The following SPOCK3 variants were observed in gnomAD, a reference collection of about 807,000 sequenced individuals.
The protein encoded by SPOCK3 is testican-3.
A neutral mutation model predicts 56.6 loss-of-function variants in SPOCK3; 30 were observed. That is an observed-to-expected ratio of 0.53 (90% CI 0.40 to 0.72). The LOEUF is 0.72. Ranked by LOEUF, SPOCK3 falls within the 30% of genes least tolerant of loss-of-function variation. The probability of loss-of-function intolerance (pLI) is 0.00; values close to 1 mark genes in which losing one functional copy is unlikely to be tolerated. For synonymous variants in SPOCK3, 196 were observed against 183.3 expected (o/e 1.07, Z -0.56); for missense variants, 527 against 530.0 (o/e 0.99, Z 0.06).
intron 4 of SPOCK3, among the ~76,000 whole-genome samples, chr4:166,988,707 T>A (rs1375199085): frequency 6.6e-6 from 1 of 152,084 alleles, no homozygotes; most frequent in Non-Finnish European, 1.5e-5. Flanking sequence ...ATTCAACTCC[T>A]AGCTATGGCA....
chr4:166,935,600 A>G (rs1183136927), intron 4 of SPOCK3, among the ~76,000 whole-genome samples: 1 of 152,236 alleles, frequency 6.6e-6, no homozygotes, highest in African/African-American at 2.4e-5. Context: ...ACCACTGTAA[A>G]TGTAAAAACC....
At chr4:166,825,886 CAG>C (rs1021948616) in intron 6 of SPOCK3, among the ~76,000 whole-genome samples, 14 of 152,016 alleles carry the variant, frequency 9.2e-5, no homozygotes, top group African/African-American at 2.4e-4. Context: ...TTTGAGGACT[CAG>C]GGGGAAGGTT....
intron 2 of SPOCK3, among the ~76,000 whole-genome samples, chr4:167,184,100 T>C (rs1013808247): frequency 6.6e-6 from 1 of 152,218 alleles, no homozygotes; most frequent in Non-Finnish European, 1.5e-5. Context: ...TCTCTTTATG[T>C]GCACATTGAA....
chr4:166,933,547 T>C (rs1032982532), intron 4 of SPOCK3, among the ~76,000 whole-genome samples: 8 of 152,148 alleles, frequency 5.3e-5, no homozygotes, highest in Admixed American at 1.3e-4. Context: ...AATTTATCAT[T>C]ATTATTATTA....
At chr4:166,765,871 G>A (rs1270725181) in intron 7 of SPOCK3, among the ~76,000 whole-genome samples, 5 of 152,080 alleles carry the variant, frequency 3.3e-5, no homozygotes, top group African/African-American at 1.2e-4. Flanking sequence ...GTTGAGCAGT[G>A]GTTTGCTGTT....
chr4:166,741,037 A>G (rs541838111), intron 9 of SPOCK3, among the ~76,000 whole-genome samples: 90 of 152,216 alleles, frequency 5.9e-4, no homozygotes, highest in Non-Finnish European at 1.1e-3. Flanking sequence ...AATGTAATAT[A>G]TTGTAATTAC....
At chr4:167,164,019 G>A (rs919299911) in intron 2 of SPOCK3, among the ~76,000 whole-genome samples, 3 of 151,854 alleles carry the variant, frequency 2.0e-5, no homozygotes, top group South Asian at 2.1e-4. Flanking sequence ...TTGAGGACCT[G>A]GAATAAAAAA....
intron 7 of SPOCK3, among the ~76,000 whole-genome samples, chr4:166,769,809 G>A (rs549569121): frequency 8.5e-5 from 13 of 152,290 alleles, no homozygotes; most frequent in African/African-American, 3.1e-4. Flanking sequence ...AGGCAGGCAG[G>A]CCTCCTTGAG....
intron 3 of SPOCK3, among the ~76,000 whole-genome samples, chr4:167,045,587 T>A (rs1753639811): frequency 6.6e-6 from 1 of 152,104 alleles, no homozygotes; most frequent in African/African-American, 2.4e-5. Flanking sequence ...ACTTAAATTA[T>A]ACCGTTTTAA....
intron 2 of SPOCK3, among the ~76,000 whole-genome samples, chr4:167,211,542 G>A (rs957584304): frequency 1.3e-5 from 2 of 152,114 alleles, no homozygotes; most frequent in East Asian, 1.9e-4. Flanking sequence ...TTGAATCATG[G>A]GGGCAGGTCT....
intron 2 of SPOCK3, among the ~76,000 whole-genome samples, chr4:167,166,182 T>G (rs1765745159): frequency 6.6e-6 from 1 of 152,056 alleles, no homozygotes; most frequent in African/African-American, 2.4e-5. Context: ...TCCTTTGATA[T>G]TGTAGAGAAC....
Position 166,903,594 on chromosome 4 carries a change from C to T in SPOCK3, c.474+9026G>A, listed in dbSNP as rs575713472. 4.6e-5 allele frequency among the ~76,000 whole-genome samples: 7 copies of T among 152,118 alleles called. No homozygotes were observed. The South Asian group carries it at 1.5e-3, about 32-fold the overall frequency. On this transcript the variant is annotated intron_variant, in intron 5 of 10. Transcript: ENST00000357545. ...ACTGTGCTTTCATATCGAGCCTACT[C>T]TACCATTCTTTCACAGGCCATTAAT...
chr4:166,892,526 A>T (rs1044460033), intron 5 of SPOCK3, among the ~76,000 whole-genome samples: 50 of 152,182 alleles, frequency 3.3e-4, no homozygotes, highest in African/African-American at 1.2e-3. Context: ...GCTACTTTAA[A>T]ATATTTTTTA....
rs1171026023 is a variant in SPOCK3, at chr4:167,110,179, A to G, written c.190-47642T>C. 2.0e-5 allele frequency among the ~76,000 whole-genome samples: 3 copies of G among 152,054 alleles called. No homozygotes were observed. The East Asian group carries it at 5.8e-4, about 29-fold the overall frequency. Reference sequence around the variant, plus strand: ...ATCTCTCATCTCAAGTGGGAGCTTAATGGTACCCAACACCCTTTGTCCTAT... The same window carrying G: ...ATCTCTCATCTCAAGTGGGAGCTTAGTGGTACCCAACACCCTTTGTCCTAT... On this transcript the variant is annotated intron_variant, in intron 2 of 10. Coordinates refer to ENST00000357545, the MANE Select transcript of SPOCK3 (RefSeq NM_001040159.2).
Position 167,146,965 on chromosome 4 carries a change from C to T in SPOCK3, c.190-84428G>A, listed in dbSNP as rs147744790. 1.3e-3 allele frequency among the ~76,000 whole-genome samples: 194 copies of T among 151,872 alleles called. 1 individual carries two copies. Among genetic ancestry groups the T allele is most frequent in the East Asian group, 0.012 (61 of 5,166 alleles). On this transcript the variant is annotated intron_variant, in intron 2 of 10. Transcript: ENST00000357545. ...AGACAAGAAATAACTAAGATCAGAC[C>T]GGAACTAAAGGAGATAGAGACACGA...
intron 3 of SPOCK3, among the ~76,000 whole-genome samples, chr4:167,036,264 A>G (rs1006241204): frequency 6.6e-6 from 1 of 152,138 alleles, no homozygotes; most frequent in Admixed American, 6.6e-5. Context: ...TGATCATTTG[A>G]CTTCACAGTG....
At chr4:166,819,728 C>T (rs894528083) in intron 6 of SPOCK3, among the ~76,000 whole-genome samples, 10 of 151,084 alleles carry the variant, frequency 6.6e-5, no homozygotes, top group Non-Finnish European at 1.5e-4. Flanking sequence ...AGAGATACCA[C>T]ATTCATGAAT....
chr4:167,129,139 G>A (rs1276868811), intron 2 of SPOCK3, among the ~76,000 whole-genome samples: 1 of 152,174 alleles, frequency 6.6e-6, no homozygotes. Context: ...ACATGTAAAA[G>A]CATAATCAGC....
At chr4:167,000,545 G>T (rs769158404) in intron 3 of SPOCK3, 82 bp from the exon 4 acceptor site, 38 of 660,842 alleles carry the variant, frequency 5.8e-5, no homozygotes, top group Non-Finnish European at 9.4e-5. Context: ...ATTTGATCAG[G>T]TCATTTACAT....
Sources: gnomAD v4.1 joint callset for allele counts (sites outside exome capture counted in the v4.1 genomes callset) on GRCh38, gnomAD v4.1.1 for gene constraint, MANE v1.5 for transcripts, NCBI Gene and HGNC (gene_info 2026-07-23, HGNC 2026-07-21) for gene names.